ITGAM: variants seen among roughly 807,000 people sequenced by gnomAD.
ITGAM encodes integrin alpha-M.
Under a neutral mutation model 137.5 loss-of-function variants are expected in ITGAM, and 79 were observed. The observed-to-expected ratio is 0.57, with a 90% CI of 0.48 to 0.69. The LOEUF (loss-of-function observed/expected upper bound fraction) is 0.69. Ranked by LOEUF, ITGAM falls within the 30% of genes least tolerant of loss-of-function variation. ITGAM has a pLI of 0.00. For synonymous variants in ITGAM, 583 were observed against 592.3 expected (o/e 0.98, Z 0.23); for missense variants, 1,343 against 1,483.5 (o/e 0.91, Z 1.56).
intron 2 of ITGAM, among the ~76,000 whole-genome samples, chr16:31,264,641 C>T (rs1465183417): frequency 1.3e-5 from 2 of 150,522 alleles, no homozygotes; most frequent in African/African-American, 4.9e-5. Flanking sequence ...GAGACCCTGT[C>T]TCAAAGAAAA....
chr16:31,330,682 A>T (rs553428615), intron 28 of ITGAM, 77 bp downstream of exon 28: 2 of 997,134 alleles, frequency 2.0e-6, no homozygotes, highest in South Asian at 1.6e-5. Context: ...GAGGAGAGAG[A>T]GACACAAAGA....
chr16:31,319,903 C>T (rs1466628602), intron 14 of ITGAM, among the ~76,000 whole-genome samples: 3 of 151,948 alleles, frequency 2.0e-5, no homozygotes, highest in Admixed American at 1.3e-4. Flanking sequence ...AGCTCCGCCT[C>T]CCGGGTTCAG....
chr16:31,321,631 AG>A lies in ITGAM; in HGVS notation c.2002+6del, dbSNP rs1270062093. 2 of 1,612,198 alleles carry A rather than the reference AG, an allele frequency of 1.2e-6. No individual in the cohort carries two copies. The highest frequency in any genetic ancestry group is 1.7e-6 in the Non-Finnish European group (2 of 1,179,016). ...ACACGGGATCGGCTAAGAGAAGGTG[AG>A]GCTTGGTGGATGAGTCTCAAGAGGT... On this transcript the variant is annotated splice_donor_5th_base_variant and intron_variant, in intron 16 of 29. Transcript: ENST00000544665.
At chr16:31,278,150 G>A (rs1411801795) in intron 12 of ITGAM, 41 bp downstream of exon 12, 21 of 1,568,894 alleles carry the variant, frequency 1.3e-5, no homozygotes, top group Middle Eastern at 1.7e-4. Context: ...AAACAGAGGC[G>A]CCCTGGGGTC....
chr16:31,321,292 C>T lies in ITGAM; in HGVS notation c.1759C>T (p.Leu587=). The change falls in exon 15 of 30, where the codon CTG becomes TTG. Residue 587 remains leucine, a synonymous_variant. Coordinates refer to ENST00000544665, the MANE Select transcript of ITGAM (RefSeq NM_000632.4). ...SPRLQYFGQS[L]SGGQDLTMDG... ...CAGGCTCCAGTATTTTGGTCAGTCACTGAGTGGGGGCCAGGACCTCACAAT... is the reference window on the plus strand; with the variant it reads ...CAGGCTCCAGTATTTTGGTCAGTCATTGAGTGGGGGCCAGGACCTCACAAT... 1 of 1,614,016 alleles carries T rather than the reference C, an allele frequency of 6.2e-7. No individual in the cohort carries two copies. Among genetic ancestry groups the T allele is most frequent in the South Asian group, 1.1e-5 (1 of 91,084 alleles).
At chr16:31,260,986 G>A (rs1482140106) in intron 1 of ITGAM, among the ~76,000 whole-genome samples, 1 of 152,160 alleles carries the variant, frequency 6.6e-6, no homozygotes, top group East Asian at 1.9e-4. Context: ...AGTATTTTCT[G>A]TCTTGTTATA....
At chr16:31,288,721 C>T (rs1012365097) in intron 12 of ITGAM, among the ~76,000 whole-genome samples, 1 of 152,106 alleles carries the variant, frequency 6.6e-6, no homozygotes, top group South Asian at 2.1e-4. Flanking sequence ...GTCTAAAACA[C>T]CAAAAGCAAT....
rs539941612 is a variant in ITGAM at position 31,296,877 on chromosome 16, T to C, written c.1357-637T>C. On this transcript the variant is annotated intron_variant, in intron 12 of 29. Transcript: ENST00000544665. ...ATTCTACATATTGACCTTGAAGATA[T>C]TTCTTAATATCACAACAAATATTCA... is the stretch of plus-strand genomic sequence containing the variant. Among the ~76,000 whole-genome samples, 5 of 152,356 alleles carry C rather than the reference T, an allele frequency of 3.3e-5. No homozygotes were observed. In the East Asian group the frequency reaches 5.8e-4, roughly 18 times the overall value.
chr16:31,308,283 T>A (rs1278990030), intron 14 of ITGAM, among the ~76,000 whole-genome samples: 2 of 151,926 alleles, frequency 1.3e-5, no homozygotes, highest in African/African-American at 4.8e-5. Context: ...GGTCCTGGAC[T>A]TTTTTTTGGT....
At chr16:31,271,798 AG>A in intron 6 of ITGAM, 48 bp from the exon 7 acceptor site, 1 of 1,609,628 alleles carries the variant, frequency 6.2e-7, no homozygotes, top group Non-Finnish European at 8.5e-7. Context: ...GAGATGTCTG[AG>A]GGGTGGGGGC....
At chr16:31,313,429 C>G (rs1238591378) in intron 14 of ITGAM, among the ~76,000 whole-genome samples, 1 of 151,986 alleles carries the variant, frequency 6.6e-6, no homozygotes, top group Non-Finnish European at 1.5e-5. Context: ...CTCCCTGTGT[C>G]CATGTATTCT....
intron 5 of ITGAM, among the ~76,000 whole-genome samples, 187 bp from the exon 6 acceptor site, chr16:31,270,763 CATAT>C (rs200435827): frequency 2.9e-5 from 2 of 68,668 alleles, no homozygotes; most frequent in Non-Finnish European, 6.1e-5. Context: ...CGTGTGTATA[CATAT>C]ATATATATAC....
At chr16:31,313,321 G>A (rs374467485) in intron 14 of ITGAM, among the ~76,000 whole-genome samples, 3 of 152,214 alleles carry the variant, frequency 2.0e-5, no homozygotes, top group Admixed American at 6.5e-5. Context: ...CCATCAACCC[G>A]TTGTCTAGGT....
chr16:31,324,590 A>G lies in ITGAM; in HGVS notation c.2157+37A>G. 6.2e-7 allele frequency: 1 copy of G among 1,610,570 alleles called. No homozygotes were observed. Among genetic ancestry groups the G allele is most frequent in the Non-Finnish European group, 8.5e-7 (1 of 1,178,374 alleles). ...AGTGGCCAGACCCCTGGGTCTTCCA[A>G]GCATGGAGTGGGCTTGGGGAGCTGA... On this transcript the variant is annotated intron_variant, in intron 17 of 29. Coordinates refer to ENST00000544665, the MANE Select transcript of ITGAM (RefSeq NM_000632.4). The surrounding 1 kb of genome is among the most constrained non-coding windows in gnomAD (Gnocchi z 4.5).
At chr16:31,326,802 G>A (rs886295379) in intron 21 of ITGAM, 54 bp from the exon 22 acceptor site, 1 of 1,189,770 alleles carries the variant, frequency 8.4e-7, no homozygotes, top group Non-Finnish European at 1.3e-6. Context: ...ACGGGCATTT[G>A]GGTTATTTTT....
intron 11 of ITGAM, among the ~76,000 whole-genome samples, chr16:31,277,359 ATTT>A (rs10647928): frequency 7.3e-6 from 1 of 137,046 alleles, no homozygotes. Flanking sequence ...CCCCTGGCTA[ATTT>A]TTTTTTTTTT....
chr16:31,311,480 G>T (rs1241075149), intron 14 of ITGAM, among the ~76,000 whole-genome samples: 1 of 152,186 alleles, frequency 6.6e-6, no homozygotes, highest in African/African-American at 2.4e-5. Context: ...TGAAGGATAT[G>T]AACAGACACT....
intron 20 of ITGAM, 39 bp from the exon 21 acceptor site, chr16:31,325,461 G>A: frequency 6.2e-7 from 1 of 1,613,422 alleles, no homozygotes; most frequent in Non-Finnish European, 8.5e-7. Flanking sequence ...CTCACGGCCG[G>A]AGGTGGATAT....
chr16:31,270,724 TATATATATATATATATATATG>T (rs1220658496), intron 5 of ITGAM, among the ~76,000 whole-genome samples: 3 of 108,784 alleles, frequency 2.8e-5, no homozygotes, highest in East Asian at 4.8e-4. Flanking sequence ...TATATATATA[TATATATATATATATATATATG>T]TTTTTAACGT....
Sources: gnomAD v4.1 joint callset for allele counts (sites outside exome capture counted in the v4.1 genomes callset) on GRCh38, gnomAD v4.1.1 for gene constraint, Gnocchi (gnomAD v3.1) non-coding constraint, MANE v1.5 for transcripts, NCBI Gene and HGNC (gene_info 2026-07-23, HGNC 2026-07-21) for gene names.